FNTB: variants seen among roughly 807,000 people sequenced by gnomAD.
The protein encoded by FNTB is protein farnesyltransferase subunit beta.
Under a neutral mutation model 59.4 loss-of-function variants are expected in FNTB, and 27 were observed. The ratio of observed to expected loss-of-function variants is 0.45; its 90% confidence interval spans 0.34 to 0.63. The LOEUF is 0.63. FNTB is among the 20% of genes least tolerant of loss of function. FNTB has a pLI of 0.02. For missense variants in FNTB, 449 were observed against 559.6 expected (o/e 0.80, Z 1.99); for synonymous variants, 230 against 220.7 (o/e 1.04, Z -0.37).
At chr14:65,046,008 A>G (rs1456223155) in intron 9 of FNTB, among the ~76,000 whole-genome samples, 1 of 151,834 alleles carries the variant, frequency 6.6e-6, no homozygotes, top group Non-Finnish European at 1.5e-5. Flanking sequence ...TTTTTTTGAG[A>G]CGGAGTTTCA....
In FNTB at chr14:65,032,529, G is replaced by C; in HGVS notation, c.606-81G>C. 2 of 1,512,526 alleles carry C rather than the reference G, an allele frequency of 1.3e-6. No homozygotes were observed. The highest frequency in any genetic ancestry group is 1.8e-6 in the Non-Finnish European group (2 of 1,118,184). 93.7% of individuals were successfully genotyped at this position (1,512,526 alleles called of 1,614,324 possible). On this transcript the variant is annotated intron_variant, in intron 6 of 11. Transcript: ENST00000246166. The surrounding 1 kb of genome is among the most constrained non-coding windows in gnomAD (Gnocchi z 5.0). ...GTGATTACAGCTTACTAGGCAAGGC[G>C]AGCAGTCCGCCCGCGGAGTTCACTG...
At chr14:65,060,893 A>C (rs1388960142) in intron 11 of FNTB, among the ~76,000 whole-genome samples, 8 of 140,452 alleles carry the variant, frequency 5.7e-5, no homozygotes, top group Admixed American at 2.1e-4. Context: ...AAAAAAAAAA[A>C]AACAGTTTGA....
intron 1 of FNTB, among the ~76,000 whole-genome samples, chr14:64,998,312 G>T (rs945686836): frequency 2.0e-5 from 3 of 152,232 alleles, no homozygotes; most frequent in Non-Finnish European, 4.4e-5. Context: ...TTTGGGAATA[G>T]TGTATTGCAG....
Position 65,054,662 on chromosome 14 carries a change from G to A in FNTB, c.1155G>A (p.Val385=), listed in dbSNP as rs772897723. The part of the protein sequence containing the change: ...HFGSGAMLHD[V]VLGVPENALQ... ...GCAGCGGAGCCATGTTGCATGATGT[G>A]GTCCTGGGTGTGCCCGAAAACGCTC... The change falls in exon 11 of 12, where the codon GTG becomes GTA. Residue 385 remains valine, a synonymous_variant. Transcript: ENST00000246166. This position sits in a 1 kb window ranked among gnomAD's most constrained non-coding sequence, Gnocchi z 4.4. 1 of 1,612,864 alleles carries A rather than the reference G, an allele frequency of 6.2e-7. No homozygotes were observed. Among genetic ancestry groups the A allele is most frequent in the Non-Finnish European group, 8.5e-7 (1 of 1,179,492 alleles).
rs2062880138 is a variant in FNTB, at chr14:65,062,311, G to T, written c.*999G>T. ...CGTCCTGCCCACTCTAGGCTCACAG[G>T]AATAAAATCAAGTGCTAGACACACT... is the stretch of plus-strand genomic sequence containing the variant. On this transcript the variant is annotated 3_prime_UTR_variant, in exon 12 of 12. Transcript: ENST00000246166. This position sits in a 1 kb window ranked among gnomAD's most constrained non-coding sequence, Gnocchi z 4.3. The T allele has an allele frequency of 6.6e-6, 1 of 152,300 alleles. No homozygotes were observed. The highest frequency in any genetic ancestry group is 1.5e-5 in the Non-Finnish European group (1 of 68,062). The allele number at this position is 152,300 out of a possible 1,614,324, so 9.4% of individuals were successfully genotyped here.
chr14:65,048,528 CA>C (rs1173470377), intron 9 of FNTB, among the ~76,000 whole-genome samples: 1 of 152,124 alleles, frequency 6.6e-6, no homozygotes, highest in Non-Finnish European at 1.5e-5. Context: ...GTGTAAATGA[CA>C]GTATTTGAGT....
chr14:65,027,450 T>C lies in FNTB; in HGVS notation c.375-3T>C, dbSNP rs1275384670. The C allele has an allele frequency of 1.2e-6, 2 of 1,614,020 alleles. No individual in the cohort carries two copies. The highest frequency in any genetic ancestry group is 3.3e-5 in the Admixed American group (2 of 59,998). On this transcript the variant is annotated splice_region_variant and splice_polypyrimidine_tract_variant and intron_variant, in intron 4 of 11. Coordinates refer to ENST00000246166, the MANE Select transcript of FNTB (RefSeq NM_002028.4). The surrounding 1 kb of genome is among the most constrained non-coding windows in gnomAD (Gnocchi z 5.7). ...TGTTTTTGCCCTTTGGCTGTGTACC[T>C]AGTGTGTGTCAGTTCCTGGAGCTGT...
intron 11 of FNTB, among the ~76,000 whole-genome samples, chr14:65,055,361 A>G (rs1024221624): frequency 6.6e-6 from 1 of 152,150 alleles, no homozygotes; most frequent in African/African-American, 2.4e-5. Context: ...GCCCATGCAG[A>G]CTGTCATGAA....
chr14:65,026,286 C>G (rs2061979740), intron 4 of FNTB, among the ~76,000 whole-genome samples: 1 of 152,204 alleles, frequency 6.6e-6, no homozygotes, highest in African/African-American at 2.4e-5. Flanking sequence ...AGACCCCGGA[C>G]TGATGATAGG....
At chr14:65,015,410 CTTTTTTTTTTTTTT>C (rs888923691) in intron 3 of FNTB, 1,681 of 155,750 alleles carry the variant, frequency 0.011, 43 homozygotes, top group African/African-American at 0.044. Context: ...GCCTTGTTAT[CTTTTTTTTTTTTTT>C]TTTTTTTTTT....
intron 9 of FNTB, among the ~76,000 whole-genome samples, chr14:65,050,554 G>A (rs1174853183): frequency 6.6e-6 from 1 of 152,180 alleles, no homozygotes; most frequent in Non-Finnish European, 1.5e-5. Flanking sequence ...TCACACCACT[G>A]CACTCCAGCC....
chr14:65,059,327 T>C lies in FNTB; in HGVS notation c.1183-1854T>C, dbSNP rs926070414. Among the ~76,000 whole-genome samples the C allele has an allele frequency of 2.6e-5, 4 of 151,812 alleles. No homozygotes were observed. In the East Asian group the frequency reaches 7.7e-4, roughly 29 times the overall value. On this transcript the variant is annotated intron_variant, in intron 11 of 11. Coordinates refer to ENST00000246166, the MANE Select transcript of FNTB (RefSeq NM_002028.4). ...GAGCCATTGTACCTGGCCCCCGCAC[T>C]AGCCCCTTTTTTTTTTTCAGTCCTT...
chr14:64,993,755 TGAAAGA>T (rs1888291164), intron 1 of FNTB, among the ~76,000 whole-genome samples: 1 of 152,202 alleles, frequency 6.6e-6, no homozygotes, highest in African/African-American at 2.4e-5. Context: ...ATAGAAGCTG[TGAAAGA>T]GAAAGTGCCA....
intron 1 of FNTB, among the ~76,000 whole-genome samples, chr14:65,000,593 G>A (rs1373585428): frequency 1.3e-5 from 2 of 151,976 alleles, no homozygotes; most frequent in African/African-American, 2.4e-5. Flanking sequence ...GGCTGAGACC[G>A]GCAGATCACG....
chr14:65,051,340 T>C (rs1595093537), intron 9 of FNTB, among the ~76,000 whole-genome samples: 1 of 152,368 alleles, frequency 6.6e-6, no homozygotes. Context: ...CTGGGTGCGG[T>C]GGCCCATGCC....
intron 3 of FNTB, 125 bp from the exon 4 acceptor site, chr14:65,015,500 T>C (rs1247459716): frequency 2.9e-6 from 2 of 688,736 alleles, no homozygotes; most frequent in Admixed American, 5.9e-5. Flanking sequence ...CACTGATTGT[T>C]GTTTGAGCAA....
Position 64,986,916 on chromosome 14 carries a change from A to G in FNTB, c.-38A>G. ...TTTCAATGCGCGTTGTTGCTTAACG[A>G]AGCAGAGTCCTACACACTGTCTGCT... On this transcript the variant is annotated 5_prime_UTR_variant, in exon 1 of 12. Coordinates refer to ENST00000246166, the MANE Select transcript of FNTB (RefSeq NM_002028.4). 6.2e-7 allele frequency: 1 copy of G among 1,612,194 alleles called. No homozygotes were observed. Among genetic ancestry groups the G allele is most frequent in the Non-Finnish European group, 8.5e-7 (1 of 1,178,328 alleles).
intron 7 of FNTB, among the ~76,000 whole-genome samples, chr14:65,037,403 C>CTTTTTTTTTTTTTTTTTTTTTTT (rs1555335876): frequency 1.7e-4 from 5 of 29,646 alleles, no homozygotes; most frequent in Admixed American, 4.2e-4. Flanking sequence ...ACGCCGGGCC[C>CTTTTTTTTTTTTTTTTTTTTTTT]TTTTTTTTTT....
In FNTB at chr14:65,060,733, C is replaced by T. The variant is rs1002333342; in HGVS notation, c.1183-448C>T. 8.8e-4 allele frequency among the ~76,000 whole-genome samples: 122 copies of T among 139,292 alleles called. 1 individual carries two copies. Among genetic ancestry groups the T allele is most frequent in the Non-Finnish European group, 1.2e-3 (78 of 64,320 alleles). The allele number at this position is 139,292 out of a possible 152,430, so 91.4% of individuals were successfully genotyped here. A position where few individuals can be genotyped will look rare whatever the true frequency, so the allele number is the denominator to read the frequency against. On this transcript the variant is annotated intron_variant, in intron 11 of 11. Transcript: ENST00000246166. The stretch of plus-strand genomic sequence containing the variant: ...AAAAAAAATACAAAAATTACCCAGG[C>T]GTGGTGGCTCACACCTGTAATCCCA...
Sources: gnomAD v4.1 joint callset for allele counts (sites outside exome capture counted in the v4.1 genomes callset) on GRCh38, gnomAD v4.1.1 for gene constraint, Gnocchi (gnomAD v3.1) non-coding constraint, MANE v1.5 for transcripts, NCBI Gene and HGNC (gene_info 2026-07-23, HGNC 2026-07-21) for gene names.